DRG2: variants seen among roughly 807,000 people sequenced by gnomAD.
DRG2 encodes developmentally-regulated GTP-binding protein 2.
A neutral mutation model predicts 53.4 loss-of-function variants in DRG2; 36 were observed. The ratio of observed to expected loss-of-function variants is 0.67; its 90% confidence interval spans 0.52 to 0.89. DRG2 has a LOEUF of 0.89. DRG2 is among the 40% of genes least tolerant of loss of function. The pLI is 0.00. For synonymous variants in DRG2, 167 were observed against 192.1 expected, an observed-to-expected ratio of 0.87 and a Z score of 1.08; for missense variants, 342 against 481.2, an observed-to-expected ratio of 0.71 and a Z score of 2.71.
chr17:18,107,254 G>A lies in DRG2; in HGVS notation c.*14G>A. 6.2e-7 allele frequency: 1 copy of A among 1,611,824 alleles called. No homozygotes were observed. The highest frequency in any genetic ancestry group is 8.5e-7 in the Non-Finnish European group (1 of 1,179,756). ...GTGAAGAAGTAACGGCGCCTGCCGG[G>A]CCTCCCGCCCACCTGCCTCGTCTCC... On this transcript the variant is annotated 3_prime_UTR_variant, in exon 13 of 13. Transcript: ENST00000225729.
At chr17:18,091,890 T>C (rs1017201295) in intron 1 of DRG2, 13 of 152,136 alleles carry the variant, frequency 8.5e-5, no homozygotes, top group African/African-American at 2.7e-4. Flanking sequence ...GCCTAAGAAG[T>C]TACTACTGTT....
In DRG2 at chr17:18,099,208, C is replaced by A; in HGVS notation, c.376+131C>A. ...TCCCGCTTTCCAGAAAAGACAGGTTCCAGTTCAAATCCTTGGCACCAAACT... is the reference window on the plus strand; with the variant it reads ...TCCCGCTTTCCAGAAAAGACAGGTTACAGTTCAAATCCTTGGCACCAAACT... On this transcript the variant is annotated intron_variant, in intron 4 of 12. Transcript: ENST00000225729. This position sits in a 1 kb window ranked among gnomAD's most constrained non-coding sequence, Gnocchi z 4.4. The A allele has an allele frequency of 8.0e-7, 1 of 1,247,664 alleles. No homozygotes were observed. The highest frequency in any genetic ancestry group is 1.1e-6 in the Non-Finnish European group (1 of 889,410). 77.3% of individuals were successfully genotyped at this position (1,247,664 alleles called of 1,614,324 possible). A position where few individuals can be genotyped will look rare whatever the true frequency, so the allele number is the denominator to read the frequency against.
At chr17:18,107,104 C>T (rs2045654475) in intron 12 of DRG2, 50 bp from the exon 13 acceptor site, 2 of 1,573,738 alleles carry the variant, frequency 1.3e-6, no homozygotes, top group East Asian at 2.2e-5. Flanking sequence ...CTTCCTTGAC[C>T]TTGGCCAGTC....
Position 18,107,399 on chromosome 17 carries a change from CGAA to C in DRG2, c.*162_*164del, listed in dbSNP as rs2045662344. ...TACAGAAGTTTCTTCAGTAGGCAGA[CGAA>C]GAGTGTGTTGGGGCAAAGGGGCTCG... On this transcript the variant is annotated 3_prime_UTR_variant, in exon 13 of 13. Coordinates refer to ENST00000225729, the MANE Select transcript of DRG2 (RefSeq NM_001388.5). 1.4e-6 allele frequency: 1 copy of C among 717,102 alleles called. No homozygotes were observed. Among genetic ancestry groups the C allele is most frequent in the Non-Finnish European group, 2.3e-6 (1 of 426,098 alleles). The allele number at this position is 717,102 out of a possible 1,614,324, so 44.4% of individuals were successfully genotyped here. A position where few individuals can be genotyped will look rare whatever the true frequency, so the allele number is the denominator to read the frequency against.
chr17:18,099,211 G>T lies in DRG2; in HGVS notation c.376+134G>T, dbSNP rs2045483680. On this transcript the variant is annotated intron_variant, in intron 4 of 12. Coordinates refer to ENST00000225729, the MANE Select transcript of DRG2 (RefSeq NM_001388.5). The surrounding 1 kb of genome is among the most constrained non-coding windows in gnomAD (Gnocchi z 4.4). ...CGCTTTCCAGAAAAGACAGGTTCCA[G>T]TTCAAATCCTTGGCACCAAACTAGC... The T allele has an allele frequency of 8.2e-6, 10 of 1,216,014 alleles. No homozygotes were observed. In the South Asian group the frequency reaches 1.4e-4, roughly 17 times the overall value. The allele number at this position is 1,216,014 out of a possible 1,614,324, so 75.3% of individuals were successfully genotyped here.
At chr17:18,101,376 A>T (rs779114246) in intron 7 of DRG2, 117 bp from the exon 8 acceptor site, 7 of 876,170 alleles carry the variant, frequency 8.0e-6, no homozygotes, top group Admixed American at 4.6e-5. Context: ...CCTCACAAGC[A>T]GATACCGCCA....
chr17:18,106,878 C>T (rs961145878), intron 12 of DRG2, among the ~76,000 whole-genome samples: 1 of 151,934 alleles, frequency 6.6e-6, no homozygotes, highest in East Asian at 1.9e-4. Flanking sequence ...GACAAGGTTT[C>T]GCTATCTGGC....
In DRG2 at chr17:18,106,462, C is replaced by G. The variant is rs748309179; in HGVS notation, c.984C>G (p.Ser328Arg). The G allele has an allele frequency of 1.9e-6, 3 of 1,614,050 alleles. No individual in the cohort carries two copies. The East Asian group carries it at 6.7e-5, about 36-fold the overall frequency. ...ACCGCATCCACCGGTCACTCGCCAG[C>G]CAGTTCAAGTACGCCCTGGTGTGGG... ...VCHRIHRSLA[S>R]QFKYALVWGT... Residue 328 changes from serine to arginine, a missense_variant, in exon 12 of 13, where the codon AGC becomes AGG. Ser to Arg is a moderately radical substitution (Grantham distance 110). Transcript: ENST00000225729.
rs543371794 is a variant in DRG2 at position 18,106,330 on chromosome 17, T to A, written c.955-103T>A. On this transcript the variant is annotated intron_variant, in intron 11 of 12. Transcript: ENST00000225729. ...CTGTGTGGGCACCTGCCGCGGGAAC[T>A]CCTGCCTCTTGGCCTGTGTCCTGAG... 5.9e-6 allele frequency: 8 copies of A among 1,352,802 alleles called. No homozygotes were observed. The East Asian group carries it at 1.6e-4, about 27-fold the overall frequency. 83.8% of individuals were successfully genotyped at this position (1,352,802 alleles called of 1,614,324 possible). A position where few individuals can be genotyped will look rare whatever the true frequency, so the allele number is the denominator to read the frequency against.
intron 9 of DRG2, among the ~76,000 whole-genome samples, chr17:18,102,797 T>C (rs1360624465): frequency 1.3e-5 from 2 of 152,280 alleles, no homozygotes; most frequent in East Asian, 3.9e-4. Context: ...ACTCACTTCC[T>C]GCCCTCCTTT....
In DRG2 at chr17:18,103,983, G is replaced by A; in HGVS notation, c.895+94G>A. ...GTGGTGCCCAGAGACCCCAGCACCG[G>A]CTCTGGCCTGGCTTGTCTAGACACA... On this transcript the variant is annotated intron_variant, in intron 10 of 12. Coordinates refer to ENST00000225729, the MANE Select transcript of DRG2 (RefSeq NM_001388.5). The surrounding 1 kb of genome is among the most constrained non-coding windows in gnomAD (Gnocchi z 4.4). 1 of 1,240,848 alleles carries A rather than the reference G, an allele frequency of 8.1e-7. No individual in the cohort carries two copies. Among genetic ancestry groups the A allele is most frequent in the Non-Finnish European group, 1.2e-6 (1 of 849,772 alleles). 76.9% of individuals were successfully genotyped at this position (1,240,848 alleles called of 1,614,324 possible).
intron 11 of DRG2, among the ~76,000 whole-genome samples, chr17:18,105,069 C>T (rs1043598569): frequency 6.6e-6 from 1 of 152,122 alleles, no homozygotes; most frequent in African/African-American, 2.4e-5. Context: ...GTCAGGACAG[C>T]GGCTTCAAGG....
chr17:18,098,953 C>G lies in DRG2; in HGVS notation c.316-64C>G, dbSNP rs1008309532. ...CGGGGCCATTCCAGATGTCCCAGAT[C>G]CAGACAGGACCTTTCCAGTGGAGGC... On this transcript the variant is annotated intron_variant, in intron 3 of 12. Transcript: ENST00000225729. The surrounding 1 kb of genome is among the most constrained non-coding windows in gnomAD (Gnocchi z 4.1). 1 of 1,585,814 alleles carries G rather than the reference C, an allele frequency of 6.3e-7. No individual in the cohort carries two copies. Among genetic ancestry groups the G allele is most frequent in the Non-Finnish European group, 8.6e-7 (1 of 1,156,938 alleles).
At chr17:18,094,695 C>G (rs550753901) in intron 2 of DRG2, among the ~76,000 whole-genome samples, 1 of 152,146 alleles carries the variant, frequency 6.6e-6, no homozygotes, top group African/African-American at 2.4e-5. Flanking sequence ...GTTTCTTCGG[C>G]CGGGCGCGGT....
At chr17:18,091,128 C>T (rs1434352949) in intron 1 of DRG2, among the ~76,000 whole-genome samples, 1 of 152,188 alleles carries the variant, frequency 6.6e-6, no homozygotes, top group African/African-American at 2.4e-5. Flanking sequence ...AGATCATTTT[C>T]AGAGTCGAGA....
chr17:18,091,458 AG>A (rs1481828766), intron 1 of DRG2, among the ~76,000 whole-genome samples: 4 of 151,982 alleles, frequency 2.6e-5, no homozygotes, highest in African/African-American at 9.7e-5. Flanking sequence ...TGGTGGCACC[AG>A]CCTGTAGTCC....
rs367725527 is a variant in DRG2, at chr17:18,103,908, A to T, written c.895+19A>T. The T allele has an allele frequency of 1.1e-5, 18 of 1,612,750 alleles. No individual in the cohort carries two copies. Among genetic ancestry groups the T allele is most frequent in the Non-Finnish European group, 1.4e-5 (16 of 1,178,916 alleles). ...AGAGGACGTGAGTTGCACTGCGCGT[A>T]GCTGAAAAACAGGCTGAGCTTCATC... On this transcript the variant is annotated intron_variant, in intron 10 of 12. Transcript: ENST00000225729. The surrounding 1 kb of genome is among the most constrained non-coding windows in gnomAD (Gnocchi z 4.4).
chr17:18,090,368 T>TTATTTATATA (rs1258672077), intron 1 of DRG2, among the ~76,000 whole-genome samples: 658 of 25,472 alleles, frequency 0.026, 91 homozygotes, highest in Non-Finnish European at 0.038. Flanking sequence ...CCGGGCTAAT[T>TTATTTATATA]TATATATATA....
At position 18,103,791 on chromosome 17, in the gene DRG2, C is replaced by T. The variant is rs763174235; in HGVS notation, c.807-10C>T. The T allele has an allele frequency of 1.2e-6, 2 of 1,613,976 alleles. No homozygotes were observed. The highest frequency in any genetic ancestry group is 2.7e-5 in the African/African-American group (2 of 74,944). On this transcript the variant is annotated splice_polypyrimidine_tract_variant and intron_variant, in intron 9 of 12. Coordinates refer to ENST00000225729, the MANE Select transcript of DRG2 (RefSeq NM_001388.5). This position sits in a 1 kb window ranked among gnomAD's most constrained non-coding sequence, Gnocchi z 4.4. ...GGCCCCTGCCTGACTGGCCGCCTCC[C>T]TCTTTGCAGCTGCGGCATGAAGCTG...
Sources: allele counts gnomAD v4.1 joint callset (sites outside exome capture counted in the v4.1 genomes callset), GRCh38; gene constraint gnomAD v4.1.1; non-coding constraint Gnocchi (gnomAD v3.1); transcripts MANE v1.5; gene names NCBI Gene and HGNC (gene_info 2026-07-23, HGNC 2026-07-21).